The following UBR4 variants were observed in gnomAD, a reference collection of about 807,000 sequenced individuals.
The protein encoded by UBR4 is E3 ubiquitin-protein ligase UBR4.
Under a neutral mutation model 575.6 loss-of-function variants are expected in UBR4, and 124 were observed. That is an observed-to-expected ratio of 0.22 (90% confidence interval 0.19 to 0.25). The LOEUF (loss-of-function observed/expected upper bound fraction) is 0.25, where lower values mean the gene tolerates loss of function less well. Among genes scored for constraint, UBR4 ranks in the 10% least tolerant of loss-of-function variants. UBR4 has a pLI of 1.00. For missense variants in UBR4, 4,818 were observed against 6,478.8 expected (o/e 0.74, Z 8.80); for synonymous variants, 2,455 against 2,473.7 (o/e 0.99, Z 0.22).
chr1:19,207,752 G>C (rs573599308), intron 1 of UBR4, among the ~76,000 whole-genome samples: 20 of 151,902 alleles, frequency 1.3e-4, no homozygotes, highest in African/African-American at 4.6e-4. Flanking sequence ...GAAGTCACCT[G>C]TTTTTGTATG....
intron 49 of UBR4, chr1:19,149,919 G>C: frequency 3.1e-6 from 2 of 642,570 alleles, no homozygotes; most frequent in Non-Finnish European, 4.6e-6. Flanking sequence ...AGAAAGGAAG[G>C]GAGGGAGGAG....
At chr1:19,192,623 A>G (rs2092175274) in intron 9 of UBR4, 83 bp from the exon 10 acceptor site, 14 of 1,460,382 alleles carry the variant, frequency 9.6e-6, no homozygotes, top group Non-Finnish European at 1.3e-5. Flanking sequence ...AAACAATTTA[A>G]CTTGAAGAGT....
intron 1 of UBR4, among the ~76,000 whole-genome samples, chr1:19,207,611 A>G (rs1275358468): frequency 6.6e-6 from 1 of 152,230 alleles, no homozygotes; most frequent in African/African-American, 2.4e-5. Flanking sequence ...CCTGGGTGAC[A>G]CAGCAAGACT....
intron 66 of UBR4, 133 bp from the exon 67 acceptor site, chr1:19,122,145 C>T (rs1156498377): frequency 2.9e-5 from 25 of 861,002 alleles, no homozygotes; most frequent in Non-Finnish European, 4.7e-5. Flanking sequence ...AAGGCAGATG[C>T]TTGCTGAGAT....
intron 8 of UBR4, among the ~76,000 whole-genome samples, chr1:19,195,653 G>A (rs980607565): frequency 6.6e-6 from 1 of 152,146 alleles, no homozygotes; most frequent in African/African-American, 2.4e-5. Context: ...ATTTTCACAT[G>A]TATCCTTAAC....
intron 1 of UBR4, among the ~76,000 whole-genome samples, chr1:19,206,436 C>G (rs1002630004): frequency 2.0e-5 from 3 of 152,054 alleles, no homozygotes; most frequent in African/African-American, 7.2e-5. Context: ...ATCAATTCTC[C>G]TGCCTCAGCC....
intron 73 of UBR4, among the ~76,000 whole-genome samples, chr1:19,116,543 G>C (rs1297138669): frequency 6.6e-6 from 1 of 152,198 alleles, no homozygotes; most frequent in Non-Finnish European, 1.5e-5. Context: ...CTTCCATCCT[G>C]TGTGCAGAAC....
Position 19,081,436 on chromosome 1 carries a change from T to C in UBR4, c.15146A>G (p.Glu5049Gly). 1 of 1,613,928 alleles carries C rather than the reference T, an allele frequency of 6.2e-7. No homozygotes were observed. Among genetic ancestry groups the C allele is most frequent in the Non-Finnish European group, 8.5e-7 (1 of 1,179,996 alleles). Residue 5049 changes from glutamate to glycine, a missense_variant, in exon 103 of 106, where the codon GAG becomes GGG. Glu to Gly is a moderately conservative substitution (Grantham distance 98). Around this residue, in one of 29 missense-constraint regions of UBR4, gnomAD observed 212 missense variants for 221.3 expected, o/e 0.96. Coordinates refer to ENST00000375254, the MANE Select transcript of UBR4 (RefSeq NM_020765.3). ...TTCCACACGTGTGGCTCTCCACTGC[T>C]CAGGGGGCAGGATGTGAAGGGCCAA... Reference protein sequence around the residue: ...TVLALHILPPEQWRATRVEIL... With the variant: ...TVLALHILPPGQWRATRVEIL...
At chr1:19,175,661 T>C (rs1270953519) in intron 20 of UBR4, among the ~76,000 whole-genome samples, 3 of 152,120 alleles carry the variant, frequency 2.0e-5, no homozygotes, top group Non-Finnish European at 4.4e-5. Flanking sequence ...AAAGGAAATT[T>C]AGCTATACAT....
In UBR4 at chr1:19,151,545, G is replaced by A; in HGVS notation, c.7213+98C>T. The A allele has an allele frequency of 2.3e-6, 3 of 1,300,972 alleles. No individual in the cohort carries two copies. In the Admixed American group the frequency reaches 5.2e-5, roughly 23 times the overall value. The allele number at this position is 1,300,972 out of a possible 1,614,324, so 80.6% of individuals were successfully genotyped here. ...ATGAAAGGACAGAAAAATCAGCAGA[G>A]TGGAGAGATCCCAGAATGTTGGACA... On this transcript the variant is annotated intron_variant, in intron 48 of 105. Coordinates refer to ENST00000375254, the MANE Select transcript of UBR4 (RefSeq NM_020765.3).
chr1:19,168,066 G>T lies in UBR4; in HGVS notation c.3860C>A (p.Thr1287Asn). 6.2e-7 allele frequency: 1 copy of T among 1,613,722 alleles called. No individual in the cohort carries two copies. The highest frequency in any genetic ancestry group is 1.3e-5 in the African/African-American group (1 of 75,022). The change falls in exon 28 of 106, where the codon ACC (threonine) becomes AAC (asparagine). Residue 1287 changes from threonine to asparagine, a missense_variant. This residue lies in a region of UBR4 where 1,172 missense variants were observed against 1,259.7 expected (regional missense o/e 0.93). Coordinates refer to ENST00000375254, the MANE Select transcript of UBR4 (RefSeq NM_020765.3). ...SLPLAASLKH[T>N]LLSLVRLTGD... ...AGTCAACCTGACCAGTGAGAGGAGG[G>T]TATGCTTCAGGGAAGCAGCCAGGGG...
Position 19,163,841 on chromosome 1 carries a change from A to C in UBR4, c.4701-14T>G. The C allele has an allele frequency of 6.2e-7, 1 of 1,614,126 alleles. No homozygotes were observed. The highest frequency in any genetic ancestry group is 1.3e-5 in the African/African-American group (1 of 75,066). Reference sequence around the variant, plus strand: ...AGGTATTTCTTGCTGTCCCAAAGAAAAAAAAGAGGGGAAAGAGGAGACACA... The same window carrying C: ...AGGTATTTCTTGCTGTCCCAAAGAACAAAAAGAGGGGAAAGAGGAGACACA... On this transcript the variant is annotated splice_polypyrimidine_tract_variant and intron_variant, in intron 33 of 105. Transcript: ENST00000375254.
At chr1:19,120,689 G>T (rs1316994552) in intron 68 of UBR4, among the ~76,000 whole-genome samples, 1 of 152,224 alleles carries the variant, frequency 6.6e-6, no homozygotes, top group African/African-American at 2.4e-5. Context: ...TCCTTTCAAG[G>T]GCTTGCAATA....
Position 19,148,026 on chromosome 1 carries a change from C to G in UBR4, c.7596G>C (p.Leu2532=), listed in dbSNP as rs1415446010. ...QQQSKSLLAS[L]HTSRSAYHSH... is the part of the protein sequence containing the mutation. ...TGTGGTAGGCCGAGCGGCTGGTGTGCAGGCTGGCCAGAAGGCTCTTGGACT... is the reference window on the plus strand; with the variant it reads ...TGTGGTAGGCCGAGCGGCTGGTGTGGAGGCTGGCCAGAAGGCTCTTGGACT... Residue 2532 remains leucine, a synonymous_variant, in exon 51 of 106, where the codon CTG becomes CTC. Transcript: ENST00000375254. 1 of 1,612,692 alleles carries G rather than the reference C, an allele frequency of 6.2e-7. No individual in the cohort carries two copies. The highest frequency in any genetic ancestry group is 1.7e-5 in the Admixed American group (1 of 60,012).
At position 19,115,654 on chromosome 1, in the gene UBR4, G is replaced by A. The variant is rs1378852458; in HGVS notation, c.10824-17C>T. 2.5e-6 allele frequency: 4 copies of A among 1,612,976 alleles called. No individual in the cohort carries two copies. Among genetic ancestry groups the A allele is most frequent in the Non-Finnish European group, 2.5e-6 (3 of 1,179,426 alleles). Reference sequence around the variant, plus strand: ...CGAGCTGGCCTAGGAAAGACAGACAGCCTTGAGATTTTCTCATCTAACCCT... The same window carrying A: ...CGAGCTGGCCTAGGAAAGACAGACAACCTTGAGATTTTCTCATCTAACCCT... On this transcript the variant is annotated splice_polypyrimidine_tract_variant and intron_variant, in intron 73 of 105. Coordinates refer to ENST00000375254, the MANE Select transcript of UBR4 (RefSeq NM_020765.3).
intron 81 of UBR4, among the ~76,000 whole-genome samples, chr1:19,108,608 C>T (rs1173810374): frequency 6.6e-6 from 1 of 151,980 alleles, no homozygotes; most frequent in Admixed American, 6.6e-5. Flanking sequence ...TTGATGAAAC[C>T]GGGTGGCAGT....
Position 19,128,191 on chromosome 1 carries a change from G to C in UBR4, c.9111+20C>G, listed in dbSNP as rs2082030774. 1 of 1,602,922 alleles carries C rather than the reference G, an allele frequency of 6.2e-7. No individual in the cohort carries two copies. Among genetic ancestry groups the C allele is most frequent in the Admixed American group, 1.7e-5 (1 of 59,964 alleles). The stretch of plus-strand genomic sequence containing the variant: ...CTCAGCCAATCCTGTTTCTCACACA[G>C]TCTGCCTCTCAGATTTTACCTTTTT... On this transcript the variant is annotated intron_variant, in intron 62 of 105. Coordinates refer to ENST00000375254, the MANE Select transcript of UBR4 (RefSeq NM_020765.3).
chr1:19,150,890 C>T (rs2085588792), intron 48 of UBR4, 97 bp from the exon 49 acceptor site: 2 of 1,218,536 alleles, frequency 1.6e-6, no homozygotes, highest in South Asian at 1.3e-5. Context: ...AAGTAAATCA[C>T]GTCAATTTTA....
Position 19,185,122 on chromosome 1 carries a change from C to T in UBR4, c.1915G>A (p.Ala639Thr). The stretch of plus-strand genomic sequence containing the variant: ...ACCAACTCAGGATCTTTGCGACTCG[C>T]CAGAATGTTGCCCTTCTCACCAGGG... ...QAPGEKGNILASRKDPELFLG... is the reference protein window; with the variant it reads ...QAPGEKGNILTSRKDPELFLG... The change falls in exon 15 of 106, where the codon GCG (alanine) becomes ACG (threonine). Residue 639 changes from alanine (A) to threonine (T), a missense_variant. Coordinates refer to ENST00000375254, the MANE Select transcript of UBR4 (RefSeq NM_020765.3). 1.9e-6 allele frequency: 3 copies of T among 1,614,184 alleles called. No individual in the cohort carries two copies. The highest frequency in any genetic ancestry group is 1.7e-5 in the Admixed American group (1 of 60,018).
Sources: allele counts gnomAD v4.1 joint callset (sites outside exome capture counted in the v4.1 genomes callset), GRCh38; gene constraint gnomAD v4.1.1; regional missense constraint gnomAD v4.1.1; transcripts MANE v1.5; gene names NCBI Gene and HGNC (gene_info 2026-07-23, HGNC 2026-07-21).